Variants in ARL5A observed in about 807,000 individuals in gnomAD.
ARL5A encodes ADP-ribosylation factor-like protein 5A.
ARL5A carries 18 observed loss-of-function variants against 25.9 expected under a neutral mutation model. The observed-to-expected ratio is 0.69, with a 90% confidence interval of 0.48 to 1.03. The LOEUF (loss-of-function observed/expected upper bound fraction) is 1.03, where lower values mean the gene tolerates loss of function less well. Among genes scored for constraint, ARL5A ranks in the 50% least tolerant of loss-of-function variants. The probability of loss-of-function intolerance (pLI) is 0.00; values close to 1 mark genes in which losing one functional copy is unlikely to be tolerated. For synonymous variants in ARL5A, 61 were observed against 67.5 expected (o/e 0.90, Z 0.47); for missense variants, 170 against 211.9 (o/e 0.80, Z 1.23).
At position 151,802,348 on chromosome 2, in the gene ARL5A, C is replaced by A. The variant is rs2099829540; in HGVS notation, c.*928G>T. On this transcript the variant is annotated 3_prime_UTR_variant, in exon 6 of 6. Transcript: ENST00000295087. Reference sequence around the variant, plus strand: ...TTCACAAAACAGTTTTCAATTAATGCTGAGCATTCATTTGATAATTGTAAT... The same window carrying A: ...TTCACAAAACAGTTTTCAATTAATGATGAGCATTCATTTGATAATTGTAAT... 6.6e-6 allele frequency: 1 copy of A among 152,034 alleles called. No individual in the cohort carries two copies. The highest frequency in any genetic ancestry group is 2.4e-5 in the African/African-American group (1 of 41,408). The allele number at this position is 152,034 out of a possible 1,614,324, so 9.4% of individuals were successfully genotyped here. A position where few individuals can be genotyped will look rare whatever the true frequency, so the allele number is the denominator to read the frequency against.
intron 2 of ARL5A, among the ~76,000 whole-genome samples, chr2:151,814,538 A>G (rs1265569122): frequency 2.0e-5 from 3 of 151,922 alleles, no homozygotes; most frequent in Non-Finnish European, 4.4e-5. Context: ...TATAGTTTCT[A>G]CTTTATAGTT....
rs1374666065 is a variant in ARL5A, at chr2:151,803,064, T to G, written c.*212A>C. Reference sequence around the variant, plus strand: ...TATGAGAAAAATGTCAATCACAGCTTCAATAACTTACTTTGGAAAAAACTA... The same window carrying G: ...TATGAGAAAAATGTCAATCACAGCTGCAATAACTTACTTTGGAAAAAACTA... On this transcript the variant is annotated 3_prime_UTR_variant, in exon 6 of 6. Coordinates refer to ENST00000295087, the MANE Select transcript of ARL5A (RefSeq NM_012097.4). 1.9e-6 allele frequency: 1 copy of G among 513,292 alleles called. No homozygotes were observed. The highest frequency in any genetic ancestry group is 2.0e-5 in the African/African-American group (1 of 50,446). 31.8% of individuals were successfully genotyped at this position (513,292 alleles called of 1,614,324 possible). A position where few individuals can be genotyped will look rare whatever the true frequency, so the allele number is the denominator to read the frequency against.
Position 151,799,553 on chromosome 2 carries a change from G to A in ARL5A, c.*3723C>T, listed in dbSNP as rs1239789537. 6.6e-6 allele frequency: 1 copy of A among 152,214 alleles called. No homozygotes were observed. The highest frequency in any genetic ancestry group is 1.5e-5 in the Non-Finnish European group (1 of 68,026). 9.4% of individuals were successfully genotyped at this position (152,214 alleles called of 1,614,324 possible). On this transcript the variant is annotated 3_prime_UTR_variant, in exon 6 of 6. Transcript: ENST00000295087. ...TAACTAGTAGCTCACGGAAGTGGTAGAGTCTGGGTATTTCTCCTATCTTTC... is the reference window on the plus strand; with the variant it reads ...TAACTAGTAGCTCACGGAAGTGGTAAAGTCTGGGTATTTCTCCTATCTTTC...
At chr2:151,815,752 C>G (rs974026530) in intron 1 of ARL5A, among the ~76,000 whole-genome samples, 14 of 152,170 alleles carry the variant, frequency 9.2e-5, no homozygotes, top group Non-Finnish European at 1.8e-4. Context: ...CTCCCTCCCC[C>G]CATTTGGCTT....
chr2:151,823,165 T>C (rs1305506985), intron 1 of ARL5A, among the ~76,000 whole-genome samples: 1 of 152,238 alleles, frequency 6.6e-6, no homozygotes, highest in Non-Finnish European at 1.5e-5. Flanking sequence ...CCATTTGTCA[T>C]ATTCACTATA....
intron 1 of ARL5A, among the ~76,000 whole-genome samples, chr2:151,824,325 A>G (rs1311496117): frequency 1.3e-5 from 2 of 152,098 alleles, no homozygotes; most frequent in East Asian, 1.9e-4. Context: ...GGCATATTAA[A>G]CTCATTTTTT....
At chr2:151,819,549 T>C (rs1471832869) in intron 1 of ARL5A, among the ~76,000 whole-genome samples, 1 of 152,206 alleles carries the variant, frequency 6.6e-6, no homozygotes, top group East Asian at 1.9e-4. Flanking sequence ...TGAATAATAG[T>C]AGGACATACC....
intron 1 of ARL5A, among the ~76,000 whole-genome samples, chr2:151,818,562 C>G (rs2099831838): frequency 6.6e-6 from 1 of 152,224 alleles, no homozygotes; most frequent in South Asian, 2.1e-4. Flanking sequence ...CAGGTGCAAG[C>G]CACTGTACCT....
chr2:151,800,084 C>T lies in ARL5A; in HGVS notation c.*3192G>A, dbSNP rs1019312277. On this transcript the variant is annotated 3_prime_UTR_variant, in exon 6 of 6. Coordinates refer to ENST00000295087, the MANE Select transcript of ARL5A (RefSeq NM_012097.4). Reference sequence around the variant, plus strand: ...GAGAAGACTGGAGTTTGGAGATAACCGATGATGTGGTATTATCTCCTGTAT... The same window carrying T: ...GAGAAGACTGGAGTTTGGAGATAACTGATGATGTGGTATTATCTCCTGTAT... 3.3e-5 allele frequency: 5 copies of T among 152,062 alleles called. No individual in the cohort carries two copies. Among genetic ancestry groups the T allele is most frequent in the East Asian group, 1.9e-4 (1 of 5,192 alleles). 9.4% of individuals were successfully genotyped at this position (152,062 alleles called of 1,614,324 possible). A position where few individuals can be genotyped will look rare whatever the true frequency, so the allele number is the denominator to read the frequency against.
chr2:151,825,136 T>C (rs2099832877), intron 1 of ARL5A, among the ~76,000 whole-genome samples: 1 of 152,230 alleles, frequency 6.6e-6, no homozygotes, highest in Non-Finnish European at 1.5e-5. Flanking sequence ...TCCCACCATG[T>C]AGAACACTTC....
intron 1 of ARL5A, among the ~76,000 whole-genome samples, chr2:151,826,584 T>C (rs2099833083): frequency 6.6e-6 from 1 of 152,226 alleles, no homozygotes; most frequent in South Asian, 2.1e-4. Context: ...AACACTAGCT[T>C]TGCTAAAAAT....
intron 1 of ARL5A, among the ~76,000 whole-genome samples, chr2:151,826,868 A>C (rs184754297): frequency 1.6e-4 from 24 of 152,310 alleles, no homozygotes; most frequent in African/African-American, 5.8e-4. Context: ...CTTTATGAAA[A>C]ATCCTCTTAT....
chr2:151,816,534 T>C (rs899174834), intron 1 of ARL5A, among the ~76,000 whole-genome samples: 1 of 152,184 alleles, frequency 6.6e-6, no homozygotes, highest in Admixed American at 6.5e-5. Context: ...ATTAATGGCA[T>C]TATATGACCT....
At position 151,818,523 on chromosome 2, in the gene ARL5A, C is replaced by T. The variant is rs185679007; in HGVS notation, c.47-3324G>A. On this transcript the variant is annotated intron_variant, in intron 1 of 5. Coordinates refer to ENST00000295087, the MANE Select transcript of ARL5A (RefSeq NM_012097.4). Reference sequence around the variant, plus strand: ...AACTCCTGGGCTCAAGCAATCCTCCCGCCTCAGCCTCAAAAAGTGCTAGGA... The same window carrying T: ...AACTCCTGGGCTCAAGCAATCCTCCTGCCTCAGCCTCAAAAAGTGCTAGGA... Among the ~76,000 whole-genome samples the T allele has an allele frequency of 4.6e-5, 7 of 152,258 alleles. 1 individual carries two copies. The East Asian group carries it at 7.7e-4, about 17-fold the overall frequency.
chr2:151,813,053 C>G (rs1016059622), intron 3 of ARL5A, among the ~76,000 whole-genome samples: 1 of 152,096 alleles, frequency 6.6e-6, no homozygotes, highest in African/African-American at 2.4e-5. Flanking sequence ...CTGAGCTCCA[C>G]CCCAGCTCTT....
At chr2:151,826,508 T>C (rs994243077) in intron 1 of ARL5A, among the ~76,000 whole-genome samples, 1 of 152,214 alleles carries the variant, frequency 6.6e-6, no homozygotes, top group Admixed American at 6.5e-5. Context: ...TAGAAAGTGG[T>C]GATAACTCTT....
chr2:151,828,019 G>T, intron 1 of ARL5A, 112 bp downstream of exon 1: 2 of 1,196,152 alleles, frequency 1.7e-6, no homozygotes, highest in Non-Finnish European at 1.2e-6. Flanking sequence ...ACCCCGCGCT[G>T]AGCTGGCGCC....
chr2:151,827,248 T>C (rs2099833188), intron 1 of ARL5A, among the ~76,000 whole-genome samples: 1 of 152,248 alleles, frequency 6.6e-6, no homozygotes, highest in African/African-American at 2.4e-5. Context: ...TTGTATTCTC[T>C]TTCCCCAGTT....
intron 1 of ARL5A, among the ~76,000 whole-genome samples, chr2:151,820,660 C>CAAA (rs71410438): frequency 0.14 from 6,236 of 44,050 alleles, 910 homozygotes; most frequent in Non-Finnish European, 0.16. Flanking sequence ...ATCCTGTCTC[C>CAAA]AAAAAAAAAA....
Sources: gnomAD v4.1 joint callset for allele counts (sites outside exome capture counted in the v4.1 genomes callset) on GRCh38, gnomAD v4.1.1 for gene constraint, MANE v1.5 for transcripts, NCBI Gene and HGNC (gene_info 2026-07-23, HGNC 2026-07-21) for gene names.